The following SEPTIN2 variants were observed in gnomAD, a reference collection of about 807,000 sequenced individuals.
The protein encoded by SEPTIN2 is septin 2.
A neutral mutation model predicts 46.5 loss-of-function variants in SEPTIN2; 34 were observed. That is an observed-to-expected ratio of 0.73 (90% CI 0.56 to 0.97). The LOEUF is 0.97. Among genes scored for constraint, SEPTIN2 ranks in the 50% least tolerant of loss-of-function variants. SEPTIN2 has a pLI of 0.00. For synonymous variants in SEPTIN2, 175 were observed against 153.4 expected (o/e 1.14, Z -1.04); for missense variants, 347 against 448.4 (o/e 0.77, Z 2.04).
intron 1 of SEPTIN2, chr2:241,317,414 G>A (rs2076512201): frequency 5.7e-6 from 2 of 352,938 alleles, no homozygotes; most frequent in Admixed American, 1.3e-4. Context: ...TCTTAAACTA[G>A]CAAGGTGACC....
intron 4 of SEPTIN2, 80 bp downstream of exon 4, chr2:241,335,292 T>C: frequency 6.4e-7 from 1 of 1,569,524 alleles, no homozygotes; most frequent in Non-Finnish European, 8.7e-7. Context: ...TTTTATGTCT[T>C]AGCTGTGTGT....
chr2:241,319,605 T>G (rs953818359), intron 1 of SEPTIN2, among the ~76,000 whole-genome samples: 1 of 152,234 alleles, frequency 6.6e-6, no homozygotes, highest in Admixed American at 6.5e-5. Flanking sequence ...CCTTTTTTTC[T>G]TTTTTTGAGA....
chr2:241,347,807 G>A (rs1398449619), intron 10 of SEPTIN2, among the ~76,000 whole-genome samples: 1 of 151,920 alleles, frequency 6.6e-6, no homozygotes, highest in East Asian at 1.9e-4. Context: ...GATCACTTGA[G>A]GTTCAACACC....
At chr2:241,323,505 A>G (rs916580350) in intron 1 of SEPTIN2, among the ~76,000 whole-genome samples, 2 of 151,922 alleles carry the variant, frequency 1.3e-5, no homozygotes, top group African/African-American at 4.8e-5. Flanking sequence ...TGGTCTGCCT[A>G]CCTCGGCCTC....
intron 3 of SEPTIN2, among the ~76,000 whole-genome samples, chr2:241,331,539 C>T (rs1338821497): frequency 2.0e-5 from 3 of 152,138 alleles, no homozygotes; most frequent in Non-Finnish European, 2.9e-5. Context: ...TACAGGCATG[C>T]GCCACCACGC....
At position 241,350,156 on chromosome 2, in the gene SEPTIN2, T is replaced by A; in HGVS notation, c.1068T>A (p.Ala356=). 1 of 1,613,544 alleles carries A rather than the reference T, an allele frequency of 6.2e-7. No individual in the cohort carries two copies. Among genetic ancestry groups the A allele is most frequent in the Non-Finnish European group, 8.5e-7 (1 of 1,179,702 alleles). Residue 356 remains alanine (A), a synonymous_variant, in exon 12 of 13, where the codon GCT becomes GCA. Coordinates refer to ENST00000391971, the MANE Select transcript of SEPTIN2 (RefSeq NM_004404.5). ...AGGGCGGGGATGGCGATGGCGGGGCTCTCGGGCACCACGTGTAAGGTGATG... is the reference window on the plus strand; with the variant it reads ...AGGGCGGGGATGGCGATGGCGGGGCACTCGGGCACCACGTGTAAGGTGATG... ...QMQGGDGDGG[A]LGHHV
chr2:241,324,063 C>T, intron 1 of SEPTIN2, 153 bp from the exon 2 acceptor site: 2 of 630,728 alleles, frequency 3.2e-6, no homozygotes, highest in Admixed American at 3.3e-5. Context: ...TGGCCTAATG[C>T]ATTTGGAAGG....
intron 1 of SEPTIN2, chr2:241,320,053 T>C (rs2076923330): frequency 2.9e-6 from 1 of 339,572 alleles, no homozygotes; most frequent in African/African-American, 2.1e-5. Context: ...TAGCAAATAT[T>C]GTATTCAGGA....
rs188496504 is a variant in SEPTIN2, at chr2:241,318,147, G to T, written c.-18+2165G>T. ...AAAAAAAAAAACAGGAAAAAAAAAA[G>T]ATGGCAGGAGAAACTTGGTAAAGTC... On this transcript the variant is annotated intron_variant, in intron 1 of 12. Transcript: ENST00000391971. 3.3e-4 allele frequency: 50 copies of T among 150,640 alleles called. No individual in the cohort carries two copies. In the East Asian group the frequency reaches 9.7e-3, roughly 29 times the overall value. 9.3% of individuals were successfully genotyped at this position (150,640 alleles called of 1,614,324 possible).
rs1171666836 is a variant in SEPTIN2, at chr2:241,352,825, T to A, written c.*888T>A. On this transcript the variant is annotated 3_prime_UTR_variant, in exon 13 of 13. Transcript: ENST00000391971. ...GGTTTTTACTCAACCAAATTAAAAA[T>A]TTTTTTAAGGAAAATTAGCAGTTGG... The A allele has an allele frequency of 2.0e-5, 3 of 152,306 alleles. No individual in the cohort carries two copies. Among genetic ancestry groups the A allele is most frequent in the East Asian group, 1.9e-4 (1 of 5,184 alleles). The allele number at this position is 152,306 out of a possible 1,614,324, so 9.4% of individuals were successfully genotyped here. A position where few individuals can be genotyped will look rare whatever the true frequency, so the allele number is the denominator to read the frequency against.
intron 9 of SEPTIN2, among the ~76,000 whole-genome samples, chr2:241,344,526 A>G (rs2150156348): frequency 6.6e-6 from 1 of 151,916 alleles, no homozygotes; most frequent in Admixed American, 6.6e-5. Flanking sequence ...GTGAAACCCC[A>G]TCTGTACTTA....
chr2:241,317,300 G>C (rs1312278742), intron 1 of SEPTIN2, among the ~76,000 whole-genome samples: 1 of 152,120 alleles, frequency 6.6e-6, no homozygotes, highest in Non-Finnish European at 1.5e-5. Context: ...AGGTTGTCCT[G>C]ATTTTTTTTC....
intron 9 of SEPTIN2, among the ~76,000 whole-genome samples, chr2:241,344,452 A>G (rs936626047): frequency 6.6e-6 from 1 of 152,188 alleles, no homozygotes; most frequent in Non-Finnish European, 1.5e-5. Context: ...TAATCCCAGC[A>G]CTTTGGGAGG....
chr2:241,347,740 G>T (rs981164178), intron 10 of SEPTIN2, among the ~76,000 whole-genome samples: 1 of 152,062 alleles, frequency 6.6e-6, no homozygotes, highest in African/African-American at 2.4e-5. Context: ...AAAATGATAG[G>T]CTGGGCGTGG....
At chr2:241,333,852 A>G (rs145688101) in intron 3 of SEPTIN2, among the ~76,000 whole-genome samples, 1 of 152,154 alleles carries the variant, frequency 6.6e-6, no homozygotes, top group African/African-American at 2.4e-5. Flanking sequence ...TTTTCCCAGA[A>G]TTGTTTTATT....
chr2:241,317,533 GTA>G, intron 1 of SEPTIN2: 1 of 963,084 alleles, frequency 1.0e-6, no homozygotes, highest in Non-Finnish European at 1.2e-6. Context: ...GAAGTTGTGG[GTA>G]TTTTTTTTTT....
chr2:241,338,914 T>A, intron 7 of SEPTIN2, among the ~76,000 whole-genome samples: 2 of 94,408 alleles, frequency 2.1e-5, no homozygotes, highest in African/African-American at 8.5e-5. Flanking sequence ...ATATATAATA[T>A]ATATAATTGT....
intron 3 of SEPTIN2, among the ~76,000 whole-genome samples, chr2:241,331,537 T>G (rs555434186): frequency 1.3e-5 from 2 of 152,274 alleles, no homozygotes; most frequent in South Asian, 4.1e-4. Flanking sequence ...ACTACAGGCA[T>G]GCGCCACCAC....
chr2:241,338,937 T>C (rs1321208861), intron 7 of SEPTIN2, among the ~76,000 whole-genome samples: 1 of 96,460 alleles, frequency 1.0e-5, no homozygotes, highest in Non-Finnish European at 1.9e-5. Context: ...ATATATTTAT[T>C]ATATATATTA....
Sources: gnomAD v4.1 joint callset for allele counts (sites outside exome capture counted in the v4.1 genomes callset) on GRCh38, gnomAD v4.1.1 for gene constraint, MANE v1.5 for transcripts, NCBI Gene and HGNC (gene_info 2026-07-23, HGNC 2026-07-21) for gene names.